LRFN2: variants seen among roughly 807,000 people sequenced by gnomAD.
The protein encoded by LRFN2 is leucine rich repeat and fibronectin type III domain containing 2, also known as leucine-rich repeat and fibronectin type-III domain-containing protein 2.
LRFN2 carries 18 observed loss-of-function variants against 37.3 expected under a neutral mutation model. The observed-to-expected ratio is 0.48, with a 90% CI of 0.33 to 0.72. The LOEUF is 0.72. Ranked by LOEUF, LRFN2 falls within the 30% of genes least tolerant of loss-of-function variation. The pLI is 0.02. For synonymous variants in LRFN2, 556 were observed against 466.6 expected, an observed-to-expected ratio of 1.19 and a Z score of -2.47; for missense variants, 1,006 against 1,060.7, an observed-to-expected ratio of 0.95 and a Z score of 0.72.
chr6:40,476,957 A>T (rs1471446294), intron 1 of LRFN2, among the ~76,000 whole-genome samples: 1 of 152,214 alleles, frequency 6.6e-6, no homozygotes, highest in Non-Finnish European at 1.5e-5. Context: ...AAAGTAGCTT[A>T]GGCATCTAGT....
At chr6:40,412,333 A>T (rs932081831) in intron 2 of LRFN2, among the ~76,000 whole-genome samples, 1 of 152,152 alleles carries the variant, frequency 6.6e-6, no homozygotes, top group African/African-American at 2.4e-5. Context: ...GAGTTAATGA[A>T]TTATTTATCA....
intron 1 of LRFN2, among the ~76,000 whole-genome samples, chr6:40,507,916 T>G (rs972833381): frequency 2.6e-5 from 4 of 152,176 alleles, no homozygotes; most frequent in Non-Finnish European, 5.9e-5. Flanking sequence ...AACAAATGTG[T>G]GCCTTTTATG....
intron 1 of LRFN2, among the ~76,000 whole-genome samples, chr6:40,435,068 G>GAC (rs1763623325): frequency 7.4e-6 from 1 of 134,862 alleles, no homozygotes; most frequent in Non-Finnish European, 1.6e-5. Context: ...GAGAGAGAGA[G>GAC]AGAGAGAGAG....
intron 1 of LRFN2, among the ~76,000 whole-genome samples, chr6:40,477,479 C>A (rs1037692056): frequency 1.3e-5 from 2 of 152,162 alleles, no homozygotes; most frequent in African/African-American, 4.8e-5. Flanking sequence ...GGTCACACAG[C>A]CAGTGGATGG....
chr6:40,484,769 G>T lies in LRFN2; in HGVS notation c.-18-51638C>A, dbSNP rs147615309. 2.4e-3 allele frequency among the ~76,000 whole-genome samples: 358 copies of T among 152,296 alleles called. 2 individuals are homozygous for T. The highest frequency in any genetic ancestry group is 7.6e-3 in the African/African-American group (317 of 41,560). On this transcript the variant is annotated intron_variant, in intron 1 of 2. Coordinates refer to ENST00000338305, the MANE Select transcript of LRFN2 (RefSeq NM_020737.3). ...CTCAGAGCCACGAAATGCAATATTT[G>T]ATCCTTCTCTCAGAGGAATGCAGTC...
At chr6:40,454,257 C>T (rs1381904381) in intron 1 of LRFN2, among the ~76,000 whole-genome samples, 1 of 152,082 alleles carries the variant, frequency 6.6e-6, no homozygotes, top group African/African-American at 2.4e-5. Context: ...ACTGTTAGGG[C>T]TGTTGGGGAG....
At chr6:40,583,116 T>C (rs192930860) in intron 1 of LRFN2, among the ~76,000 whole-genome samples, 311 of 152,210 alleles carry the variant, frequency 2.0e-3, no homozygotes, top group Non-Finnish European at 3.5e-3. Context: ...CAAAAATGTG[T>C]GCTTGGTGGG....
intron 1 of LRFN2, among the ~76,000 whole-genome samples, chr6:40,441,902 A>C (rs2113834666): frequency 6.6e-6 from 1 of 152,354 alleles, no homozygotes; most frequent in African/African-American, 2.4e-5. Flanking sequence ...GAGGGAGACC[A>C]GAGTTCCTGG....
chr6:40,431,788 G>A lies in LRFN2; in HGVS notation c.1326C>T (p.Val442=). The A allele has an allele frequency of 6.5e-7, 1 of 1,538,024 alleles. No individual in the cohort carries two copies. Among genetic ancestry groups the A allele is most frequent in the Non-Finnish European group, 8.8e-7 (1 of 1,141,904 alleles). ...TTTSALVKWS[V]SKSAPRVKMY... ...TCTTCACCCGGGGTGCTGACTTGCTGACAGACCACTTGACCAGGGCCGAGG... is the reference window on the plus strand; with the variant it reads ...TCTTCACCCGGGGTGCTGACTTGCTAACAGACCACTTGACCAGGGCCGAGG... The change falls in exon 2 of 3, where the codon GTC becomes GTT. Residue 442 remains valine (V), a synonymous_variant. Transcript: ENST00000338305.
chr6:40,587,063 G>C lies in LRFN2; in HGVS notation c.-141C>G, dbSNP rs2113804069. On this transcript the variant is annotated 5_prime_UTR_variant, in exon 1 of 3. Transcript: ENST00000338305. The surrounding 1 kb of genome is among the most constrained non-coding windows in gnomAD (Gnocchi z 4.2). ...GAGACAGACTCGAGCTAAACCCTCC[G>C]GCGGCTCCGGCGAATGCAGGCAGAT... The C allele has an allele frequency of 6.6e-6, 1 of 152,312 alleles. No homozygotes were observed. Among genetic ancestry groups the C allele is most frequent in the South Asian group, 2.1e-4 (1 of 4,818 alleles). 9.4% of individuals were successfully genotyped at this position (152,312 alleles called of 1,614,324 possible).
At chr6:40,548,746 G>A (rs1766711463) in intron 1 of LRFN2, among the ~76,000 whole-genome samples, 1 of 152,306 alleles carries the variant, frequency 6.6e-6, no homozygotes, top group Admixed American at 6.5e-5. Context: ...TTGGGAGAAT[G>A]TATTCTCTCT....
intron 1 of LRFN2, among the ~76,000 whole-genome samples, chr6:40,521,138 G>A (rs533397510): frequency 3.9e-5 from 6 of 152,252 alleles, no homozygotes; most frequent in African/African-American, 1.4e-4. Flanking sequence ...GAGGGGACAG[G>A]AAAAGTGTGT....
chr6:40,428,948 A>G lies in LRFN2; in HGVS notation c.1400+2766T>C, dbSNP rs114414165. Among the ~76,000 whole-genome samples the G allele has an allele frequency of 4.1e-3, 624 of 152,280 alleles. 8 individuals are homozygous for G. Among genetic ancestry groups the G allele is most frequent in the African/African-American group, 0.014 (598 of 41,552 alleles). ...TGTGATGCTAGTCTTATTTTATACTACTATTATCCTCACTGCTACTACTCT... is the reference window on the plus strand; with the variant it reads ...TGTGATGCTAGTCTTATTTTATACTGCTATTATCCTCACTGCTACTACTCT... On this transcript the variant is annotated intron_variant, in intron 2 of 2. Coordinates refer to ENST00000338305, the MANE Select transcript of LRFN2 (RefSeq NM_020737.3).
At chr6:40,540,036 G>A (rs762046117) in intron 1 of LRFN2, among the ~76,000 whole-genome samples, 5 of 152,156 alleles carry the variant, frequency 3.3e-5, no homozygotes, top group South Asian at 2.1e-4. Context: ...GTTGGGAGTC[G>A]GAGTCACAGC....
Position 40,453,350 on chromosome 6 carries a change from T to C in LRFN2, c.-18-20219A>G, listed in dbSNP as rs535080084. Among the ~76,000 whole-genome samples, 6 of 152,170 alleles carry C rather than the reference T, an allele frequency of 3.9e-5. No individual in the cohort carries two copies. In the South Asian group the frequency reaches 1.0e-3, roughly 26 times the overall value. On this transcript the variant is annotated intron_variant, in intron 1 of 2. Transcript: ENST00000338305. ...CATTGACATGGCACAATGTGGGGGA[T>C]AGATGAATGACATCTCATCTCTCTC...
intron 1 of LRFN2, among the ~76,000 whole-genome samples, chr6:40,473,029 T>C (rs9296336): frequency 0.16 from 24,952 of 151,866 alleles, 3,536 homozygotes; most frequent in African/African-American, 0.38. Context: ...GGACACAAAA[T>C]ACACACCTGC....
intron 2 of LRFN2, among the ~76,000 whole-genome samples, chr6:40,414,470 C>A (rs547424580): frequency 6.6e-6 from 1 of 152,244 alleles, no homozygotes; most frequent in South Asian, 2.1e-4. Flanking sequence ...TAAACAGAAA[C>A]CATGTAGAAC....
rs1561917754 is a variant in LRFN2, at chr6:40,587,011, G to A, written c.-89C>T. On this transcript the variant is annotated 5_prime_UTR_variant, in exon 1 of 3. Coordinates refer to ENST00000338305, the MANE Select transcript of LRFN2 (RefSeq NM_020737.3). This position sits in a 1 kb window ranked among gnomAD's most constrained non-coding sequence, Gnocchi z 4.2. The stretch of plus-strand genomic sequence containing the variant: ...GCTCCGCGGGGCGCCCGGGCTCCCC[G>A]GCTCGGCCACGCATCCTTCCCCGCC... The A allele has an allele frequency of 6.6e-6, 1 of 152,194 alleles. No homozygotes were observed. The highest frequency in any genetic ancestry group is 1.5e-5 in the Non-Finnish European group (1 of 68,052). The allele number at this position is 152,194 out of a possible 1,614,324, so 9.4% of individuals were successfully genotyped here.
At chr6:40,539,126 A>T (rs905637057) in intron 1 of LRFN2, among the ~76,000 whole-genome samples, 60 of 151,886 alleles carry the variant, frequency 4.0e-4, no homozygotes, top group Admixed American at 3.8e-3. Flanking sequence ...TGAGAATAAG[A>T]CCCACCTCCC....
Sources: allele counts gnomAD v4.1 joint callset (sites outside exome capture counted in the v4.1 genomes callset), GRCh38; gene constraint gnomAD v4.1.1; non-coding constraint Gnocchi (gnomAD v3.1); transcripts MANE v1.5; gene names NCBI Gene and HGNC (gene_info 2026-07-23, HGNC 2026-07-21).